Variants in TMEM132B observed in about 807,000 individuals in gnomAD.
TMEM132B encodes transmembrane protein 132B.
In TMEM132B, 18 loss-of-function variants were observed where a neutral mutation model predicts 90.8. The observed-to-expected ratio is 0.20, with a 90% CI of 0.14 to 0.29. The LOEUF (loss-of-function observed/expected upper bound fraction) is 0.29, where lower values mean the gene tolerates loss of function less well. TMEM132B is among the 10% of genes least tolerant of loss of function. TMEM132B has a pLI of 1.00. For missense variants in TMEM132B, 1,096 were observed against 1,326.8 expected (o/e 0.83, Z 2.70); for synonymous variants, 504 against 523.3 (o/e 0.96, Z 0.50).
chr12:125,608,211 A>G (rs1010888094), intron 5 of TMEM132B, among the ~76,000 whole-genome samples: 4 of 152,218 alleles, frequency 2.6e-5, no homozygotes, highest in South Asian at 2.1e-4. Context: ...GCCATGAGCC[A>G]TGAATGAAGG....
chr12:125,400,094 C>T (rs1275642847), intron 2 of TMEM132B, among the ~76,000 whole-genome samples: 1 of 152,192 alleles, frequency 6.6e-6, no homozygotes, highest in Admixed American at 6.5e-5. Context: ...ATCACCTCTC[C>T]CAGTTGCTGA....
chr12:125,360,697 G>T (rs185401555), intron 2 of TMEM132B, among the ~76,000 whole-genome samples: 1 of 152,106 alleles, frequency 6.6e-6, no homozygotes, highest in Non-Finnish European at 1.5e-5. Context: ...TGCAGTCCAC[G>T]GGGGTAAATC....
chr12:125,519,420 A>C lies in TMEM132B; in HGVS notation c.1107-19A>C. On this transcript the variant is annotated intron_variant, in intron 3 of 8. Transcript: ENST00000682704. ...GTCTGAGGTTTTAAATGGAACCTTA[A>C]TATGTGTTTGTTTTCCAGGGTAAAT... 3 of 1,590,770 alleles carry C rather than the reference A, an allele frequency of 1.9e-6. No individual in the cohort carries two copies. The highest frequency in any genetic ancestry group is 2.6e-6 in the Non-Finnish European group (3 of 1,166,914).
chr12:125,588,819 T>C (rs1028734366), intron 5 of TMEM132B, among the ~76,000 whole-genome samples: 1 of 152,168 alleles, frequency 6.6e-6, no homozygotes, highest in Non-Finnish European at 1.5e-5. Flanking sequence ...TGCTATTCTT[T>C]TATGTCTTCT....
At chr12:125,643,649 G>A (rs1461180490) in intron 5 of TMEM132B, among the ~76,000 whole-genome samples, 1 of 152,178 alleles carries the variant, frequency 6.6e-6, no homozygotes, top group East Asian at 1.9e-4. Flanking sequence ...GAGAACCTCA[G>A]TATGACTTGA....
At chr12:125,453,076 A>C (rs1881197715) in intron 3 of TMEM132B, among the ~76,000 whole-genome samples, 1 of 143,700 alleles carries the variant, frequency 7.0e-6, no homozygotes, top group Non-Finnish European at 1.5e-5. Flanking sequence ...ATTTCAGTAA[A>C]ACACACACAC....
chr12:125,353,267 C>A (rs1877653807), intron 2 of TMEM132B, among the ~76,000 whole-genome samples: 1 of 152,140 alleles, frequency 6.6e-6, no homozygotes, highest in South Asian at 2.1e-4. Context: ...TCAACTGCAG[C>A]ACTTCAGCAC....
In TMEM132B at chr12:125,277,522, CACACACAT is replaced by C. The variant is rs1875028224; in HGVS notation, c.68-71922_68-71915del. 6.6e-6 allele frequency among the ~76,000 whole-genome samples: 1 copy of C among 151,274 alleles called. No individual in the cohort carries two copies. Among genetic ancestry groups the C allele is most frequent in the African/African-American group, 2.4e-5 (1 of 40,992 alleles). ...GGGAGAACACACACACACACACACA[CACACACAT>C]ACACACACACACGGGAAGGCCATGT... is the stretch of plus-strand genomic sequence containing the variant. On this transcript the variant is annotated intron_variant, in intron 1 of 8. Transcript: ENST00000682704. This position sits in a 1 kb window ranked among gnomAD's most constrained non-coding sequence, Gnocchi z 4.3.
At chr12:125,556,538 C>T (rs1226455591) in intron 4 of TMEM132B, among the ~76,000 whole-genome samples, 1 of 152,114 alleles carries the variant, frequency 6.6e-6, no homozygotes, top group African/African-American at 2.4e-5. Context: ...AGAATTACCC[C>T]ATTTTTAGAT....
chr12:125,629,043 C>A (rs937664561), intron 5 of TMEM132B, among the ~76,000 whole-genome samples: 1 of 151,988 alleles, frequency 6.6e-6, no homozygotes, highest in East Asian at 1.9e-4. Flanking sequence ...GCTGTCTTGG[C>A]TGCTATAGCT....
chr12:125,422,764 C>T (rs898982399), intron 3 of TMEM132B, among the ~76,000 whole-genome samples: 1 of 152,178 alleles, frequency 6.6e-6, no homozygotes, highest in African/African-American at 2.4e-5. Context: ...AACCAAGGAA[C>T]GTCTGGAGCC....
At chr12:125,433,523 CTT>C (rs146762776) in intron 3 of TMEM132B, among the ~76,000 whole-genome samples, 65,960 of 144,036 alleles carry the variant, frequency 0.46, 16,591 homozygotes, top group African/African-American at 0.7. Context: ...TTTTTTTTGT[CTT>C]TTTTTTTATT....
intron 4 of TMEM132B, among the ~76,000 whole-genome samples, chr12:125,524,557 T>C (rs925760528): frequency 2.0e-5 from 3 of 152,252 alleles, no homozygotes; most frequent in Admixed American, 6.5e-5. Context: ...AAAAATCACA[T>C]TCCCTGCCTG....
At chr12:125,483,752 G>A (rs1444565144) in intron 3 of TMEM132B, among the ~76,000 whole-genome samples, 2 of 152,144 alleles carry the variant, frequency 1.3e-5, no homozygotes, top group Non-Finnish European at 2.9e-5. Context: ...TCAGAGGAAG[G>A]AATTCCTGGA....
intron 1 of TMEM132B, among the ~76,000 whole-genome samples, chr12:125,228,843 G>T (rs185680530): frequency 6.6e-6 from 1 of 152,216 alleles, no homozygotes; most frequent in African/African-American, 2.4e-5. Context: ...TGGTTTAGAA[G>T]TGGCCACGTG....
At chr12:125,423,255 A>G (rs1880219312) in intron 3 of TMEM132B, among the ~76,000 whole-genome samples, 1 of 152,254 alleles carries the variant, frequency 6.6e-6, no homozygotes, top group Non-Finnish European at 1.5e-5. Flanking sequence ...TTTGAGATAC[A>G]CAATTCTTAG....
chr12:125,619,332 ATTTATTTATTTATTTAT>A (rs1236322226), intron 5 of TMEM132B, among the ~76,000 whole-genome samples: 2 of 76 alleles, frequency 0.026, no homozygotes, highest in African/African-American at 0.11. Flanking sequence ...ATTTATTTAT[ATTTATTTATTTATTTAT>A]TTATTTATTT....
chr12:125,567,268 T>TTC (rs1884681005), intron 4 of TMEM132B, among the ~76,000 whole-genome samples: 1 of 152,140 alleles, frequency 6.6e-6, no homozygotes, highest in East Asian at 1.9e-4. Flanking sequence ...CCACCTGTCT[T>TTC]TCTCTATATC....
At chr12:125,644,800 C>T (rs548167071) in intron 6 of TMEM132B, among the ~76,000 whole-genome samples, 3 of 152,284 alleles carry the variant, frequency 2.0e-5, no homozygotes, top group East Asian at 3.9e-4. Context: ...CCCAGCTTTA[C>T]AACTTGTACC....
Sources: gnomAD v4.1 joint callset for allele counts (sites outside exome capture counted in the v4.1 genomes callset) on GRCh38, gnomAD v4.1.1 for gene constraint, Gnocchi (gnomAD v3.1) non-coding constraint, MANE v1.5 for transcripts, NCBI Gene and HGNC (gene_info 2026-07-23, HGNC 2026-07-21) for gene names.